The following ZNF385B variants were observed in gnomAD, a reference collection of about 807,000 sequenced individuals.
ZNF385B encodes zinc finger protein 533.
In ZNF385B, 23 loss-of-function variants were observed where a neutral mutation model predicts 39.2. The ratio of observed to expected loss-of-function variants is 0.59; its 90% confidence interval spans 0.42 to 0.83. The LOEUF (loss-of-function observed/expected upper bound fraction) is 0.83. Among genes scored for constraint, ZNF385B ranks in the 40% least tolerant of loss-of-function variants. The probability of loss-of-function intolerance (pLI) is 0.00; values close to 1 mark genes in which losing one functional copy is unlikely to be tolerated. For missense variants in ZNF385B, 552 were observed against 598.9 expected, an observed-to-expected ratio of 0.92 and a Z score of 0.82; for synonymous variants, 205 against 222.6, an observed-to-expected ratio of 0.92 and a Z score of 0.70.
chr2:179,583,951 C>G (rs1275940562), intron 3 of ZNF385B: 10 of 1,303,950 alleles, frequency 7.7e-6, no homozygotes, highest in Non-Finnish European at 1.0e-5. Context: ...AACATACCCA[C>G]TCAGTTCATA....
At chr2:179,846,117 A>G (rs1243930171) in intron 1 of ZNF385B, among the ~76,000 whole-genome samples, 1 of 152,228 alleles carries the variant, frequency 6.6e-6, no homozygotes, top group Non-Finnish European at 1.5e-5. Context: ...TAGTAATTAC[A>G]GCATTTTTAG....
intron 3 of ZNF385B, among the ~76,000 whole-genome samples, chr2:179,722,345 A>T (rs1700746568): frequency 6.6e-6 from 1 of 152,178 alleles, no homozygotes; most frequent in Non-Finnish European, 1.5e-5. Context: ...AGCTGTGAAG[A>T]ATTTTTATAC....
At chr2:179,537,316 ATAAAT>A (rs1559429946) in intron 4 of ZNF385B, among the ~76,000 whole-genome samples, 158 of 143,036 alleles carry the variant, frequency 1.1e-3, no homozygotes, top group African/African-American at 3.9e-3. Flanking sequence ...AAAAAAAAAA[ATAAAT>A]AAAAAAAAAA....
chr2:179,720,898 T>C (rs1700647850), intron 3 of ZNF385B, among the ~76,000 whole-genome samples: 1 of 149,692 alleles, frequency 6.7e-6, no homozygotes, highest in Non-Finnish European at 1.5e-5. Context: ...TAGCTGTGAC[T>C]ACAGTTGTGT....
At chr2:179,759,492 C>T (rs939379731) in intron 3 of ZNF385B, among the ~76,000 whole-genome samples, 1 of 152,136 alleles carries the variant, frequency 6.6e-6, no homozygotes, top group African/African-American at 2.4e-5. Flanking sequence ...TCCTTTCTAC[C>T]TTTGCAAAGG....
intron 3 of ZNF385B, among the ~76,000 whole-genome samples, chr2:179,658,909 C>A (rs571500689): frequency 3.0e-4 from 45 of 152,286 alleles, no homozygotes; most frequent in Non-Finnish European, 5.7e-4. Flanking sequence ...TCCTGAGTAG[C>A]TGGGATTACA....
intron 3 of ZNF385B, among the ~76,000 whole-genome samples, chr2:179,685,142 T>TA (rs1243129035): frequency 6.6e-6 from 1 of 152,224 alleles, no homozygotes; most frequent in Non-Finnish European, 1.5e-5. Flanking sequence ...ACTTGGGAAT[T>TA]AGAGTTTCTG....
At chr2:179,629,511 T>A (rs1363301435) in intron 3 of ZNF385B, among the ~76,000 whole-genome samples, 3 of 152,164 alleles carry the variant, frequency 2.0e-5, no homozygotes, top group Non-Finnish European at 4.4e-5. Flanking sequence ...GTCTAAACAA[T>A]TTTTGGGGTA....
chr2:179,749,574 C>T (rs1702560998), intron 3 of ZNF385B, among the ~76,000 whole-genome samples: 1 of 152,106 alleles, frequency 6.6e-6, no homozygotes, highest in South Asian at 2.1e-4. Flanking sequence ...AGTCAAATGT[C>T]TGTGTGAAGA....
intron 3 of ZNF385B, among the ~76,000 whole-genome samples, chr2:179,763,588 C>A (rs4894121): frequency 0.24 from 36,596 of 151,970 alleles, 4,480 homozygotes; most frequent in Admixed American, 0.3. Context: ...TGGTCGGGAA[C>A]TTACTTATTT....
chr2:179,731,548 C>A (rs1701390906), intron 3 of ZNF385B, among the ~76,000 whole-genome samples: 2 of 152,188 alleles, frequency 1.3e-5, no homozygotes, highest in South Asian at 4.1e-4. Context: ...AACTTTAGAA[C>A]AAACTGAGGA....
chr2:179,488,665 A>T (rs17747516), intron 5 of ZNF385B, among the ~76,000 whole-genome samples: 39,635 of 151,904 alleles, frequency 0.26, 5,392 homozygotes, highest in East Asian at 0.39. Flanking sequence ...TGTTCCCTTA[A>T]TTAAAGAAAG....
intron 6 of ZNF385B, among the ~76,000 whole-genome samples, chr2:179,479,501 T>C (rs574566648): frequency 1.3e-5 from 2 of 152,292 alleles, no homozygotes; most frequent in Admixed American, 1.3e-4. Context: ...TGGAAGCCTT[T>C]TAGATTACTT....
intron 3 of ZNF385B, among the ~76,000 whole-genome samples, chr2:179,550,640 C>A (rs573425526): frequency 6.7e-6 from 1 of 149,774 alleles, no homozygotes; most frequent in East Asian, 1.9e-4. Context: ...TCACCTCAAC[C>A]TTGCTGTTTT....
chr2:179,767,616 C>T (rs891460085), intron 3 of ZNF385B, among the ~76,000 whole-genome samples: 1 of 151,270 alleles, frequency 6.6e-6, no homozygotes, highest in Non-Finnish European at 1.5e-5. Context: ...GGAAAGTGAC[C>T]AAAAAAAATG....
At chr2:179,768,109 C>T (rs1017883820) in intron 3 of ZNF385B, among the ~76,000 whole-genome samples, 1 of 151,542 alleles carries the variant, frequency 6.6e-6, no homozygotes, top group African/African-American at 2.4e-5. Flanking sequence ...GCCACCACAC[C>T]TGACTAAATT....
chr2:179,794,791 T>C (rs1424235594), intron 1 of ZNF385B, among the ~76,000 whole-genome samples: 5 of 152,090 alleles, frequency 3.3e-5, no homozygotes, highest in Non-Finnish European at 5.9e-5. Context: ...AGGAGTCATC[T>C]TGGATGAGAT....
intron 3 of ZNF385B, among the ~76,000 whole-genome samples, chr2:179,620,424 G>T (rs113764523): frequency 3.9e-5 from 6 of 152,188 alleles, no homozygotes; most frequent in African/African-American, 1.4e-4. Context: ...ATGAAAAAGT[G>T]CCTGACATAC....
At position 179,735,100 on chromosome 2, in the gene ZNF385B, C is replaced by T. The variant is rs1251974192; in HGVS notation, c.298+34403G>A. Among the ~76,000 whole-genome samples the T allele has an allele frequency of 2.6e-4, 39 of 152,084 alleles. 1 individual carries two copies. On this transcript the variant is annotated intron_variant, in intron 3 of 9. Coordinates refer to ENST00000410066, the MANE Select transcript of ZNF385B (RefSeq NM_152520.6). ...ACCATCAGAGTGAACAGGCAACCTACAGAATGGGAGAAAATTTTCGCAACC... is the reference window on the plus strand; with the variant it reads ...ACCATCAGAGTGAACAGGCAACCTATAGAATGGGAGAAAATTTTCGCAACC...
Sources: allele counts gnomAD v4.1 joint callset (sites outside exome capture counted in the v4.1 genomes callset), GRCh38; gene constraint gnomAD v4.1.1; transcripts MANE v1.5; gene names NCBI Gene and HGNC (gene_info 2026-07-23, HGNC 2026-07-21).